The following ALDH1A1 variants were observed in gnomAD, a reference collection of about 807,000 sequenced individuals.
ALDH1A1 encodes the protein aldehyde dehydrogenase 1A1.
In ALDH1A1, 19 loss-of-function variants were observed where a neutral mutation model predicts 62.1. The observed-to-expected ratio is 0.31, with a 90% CI of 0.21 to 0.45. ALDH1A1 has a LOEUF of 0.45. Ranked by LOEUF, ALDH1A1 falls within the 20% of genes least tolerant of loss-of-function variation. The pLI is 1.00. For missense variants in ALDH1A1, 521 were observed against 607.1 expected (o/e 0.86, Z 1.49); for synonymous variants, 231 against 215.9 (o/e 1.07, Z -0.61).
intron 1 of ALDH1A1, among the ~76,000 whole-genome samples, chr9:72,941,687 G>C (rs1422027701): frequency 6.6e-6 from 1 of 152,128 alleles, no homozygotes; most frequent in Non-Finnish European, 1.5e-5. Flanking sequence ...TCATGGATAA[G>C]ATCTATAACG....
At chr9:72,908,563 GAAAGAAAGAAAGAAAGAAAGA>G (rs1829923732) in intron 11 of ALDH1A1, among the ~76,000 whole-genome samples, 1 of 18,938 alleles carries the variant, frequency 5.3e-5, no homozygotes, top group African/African-American at 1.4e-4. Flanking sequence ...AAGAAAGAAA[GAAAGAAAGAAAGAAAGAAAGA>G]AAGAAAGAAA....
At chr9:72,920,628 T>C (rs1028846395) in intron 7 of ALDH1A1, among the ~76,000 whole-genome samples, 12 of 152,204 alleles carry the variant, frequency 7.9e-5, no homozygotes, top group African/African-American at 2.9e-4. Context: ...GAAGTATGAA[T>C]GAGAAAGAAA....
chr9:72,922,520 C>A (rs1455945910), intron 7 of ALDH1A1, among the ~76,000 whole-genome samples: 1 of 152,084 alleles, frequency 6.6e-6, no homozygotes, highest in African/African-American at 2.4e-5. Context: ...GTTGTTCAAT[C>A]TTTTGGCTTC....
rs145994622 is a variant in ALDH1A1, at chr9:72,906,122, T to G, written c.1359-90A>C. The G allele has an allele frequency of 5.7e-6, 5 of 873,138 alleles. No homozygotes were observed. In the East Asian group the frequency reaches 1.3e-4, roughly 23 times the overall value. 54.1% of individuals were successfully genotyped at this position (873,138 alleles called of 1,614,324 possible). A position where few individuals can be genotyped will look rare whatever the true frequency, so the allele number is the denominator to read the frequency against. On this transcript the variant is annotated intron_variant, in intron 11 of 12. Coordinates refer to ENST00000297785, the MANE Select transcript of ALDH1A1 (RefSeq NM_000689.5). ...AGTTTTAGAAATTTGGAAAGCTCCT[T>G]ACAAACTCCATTAATTTCATTATAA...
chr9:72,923,404 A>G (rs1242399543), intron 7 of ALDH1A1, among the ~76,000 whole-genome samples: 1 of 152,218 alleles, frequency 6.6e-6, no homozygotes, highest in Non-Finnish European at 1.5e-5. Flanking sequence ...TCTTTTGCTT[A>G]GGATAGAACA....
intron 12 of ALDH1A1, among the ~76,000 whole-genome samples, chr9:72,905,540 C>A (rs1052691022): frequency 6.6e-6 from 1 of 152,044 alleles, no homozygotes; most frequent in Non-Finnish European, 1.5e-5. Context: ...TTACATAAGT[C>A]ACCTAATTTA....
intron 1 of ALDH1A1, among the ~76,000 whole-genome samples, chr9:72,952,096 A>C (rs2118590645): frequency 6.6e-6 from 1 of 152,090 alleles, no homozygotes; most frequent in South Asian, 2.1e-4. Flanking sequence ...GCAAGAGTTA[A>C]TTTCTTACCA....
Position 72,911,105 on chromosome 9 carries a change from T to C in ALDH1A1, c.1200+853A>G, listed in dbSNP as rs560201764. Among the ~76,000 whole-genome samples, 23 of 152,210 alleles carry C rather than the reference T, an allele frequency of 1.5e-4. No individual in the cohort carries two copies. In the South Asian group the frequency reaches 4.1e-3, roughly 27 times the overall value. On this transcript the variant is annotated intron_variant, in intron 10 of 12. Transcript: ENST00000297785. ...TTGTATATTGTAGTTAAATACTTGGTGAGCATATATATAATGTATATACAC... is the reference window on the plus strand; with the variant it reads ...TTGTATATTGTAGTTAAATACTTGGCGAGCATATATATAATGTATATACAC...
intron 9 of ALDH1A1, among the ~76,000 whole-genome samples, 181 bp from the exon 10 acceptor site, chr9:72,912,303 T>C (rs1166509693): frequency 1.3e-5 from 2 of 152,204 alleles, no homozygotes; most frequent in African/African-American, 4.8e-5. Flanking sequence ...TCATGACTTT[T>C]AGGGGAAAAT....
intron 11 of ALDH1A1, 116 bp downstream of exon 11, chr9:72,909,486 C>G: frequency 9.3e-7 from 1 of 1,075,986 alleles, no homozygotes; most frequent in Non-Finnish European, 1.3e-6. Context: ...GCAGCAACTG[C>G]TTTTCTAGAA....
intron 7 of ALDH1A1, 68 bp downstream of exon 7, chr9:72,923,951 A>G (rs1830173030): frequency 1.6e-5 from 17 of 1,073,742 alleles, no homozygotes; most frequent in Non-Finnish European, 2.3e-5. Context: ...AAAAATAGTT[A>G]CATAAAACAT....
rs1829792306 is a variant in ALDH1A1 at position 72,900,721 on chromosome 9, T to C, written c.*487A>G. 1 of 152,590 alleles carries C rather than the reference T, an allele frequency of 6.6e-6. No individual in the cohort carries two copies. The highest frequency in any genetic ancestry group is 2.4e-5 in the African/African-American group (1 of 41,554). 9.5% of individuals were successfully genotyped at this position (152,590 alleles called of 1,614,324 possible). A position where few individuals can be genotyped will look rare whatever the true frequency, so the allele number is the denominator to read the frequency against. ...TTTATATTCAGTTTACAGCTAAATA[T>C]TACAGGGATTATTTCTTTTGACAAG... On this transcript the variant is annotated 3_prime_UTR_variant, in exon 13 of 13. Transcript: ENST00000297785.
In ALDH1A1 at chr9:72,925,587, A is replaced by G. The variant is rs372664748; in HGVS notation, c.530T>C (p.Ile177Thr). ...IPWNFPLVML[I>T]WKIGPALSCG... ...GCTCAGTGCAGGCCCTATCTTCCAA[A>G]TGAGCATAACCAACGGGAAATTCCA... The change falls in exon 6 of 13, where the codon ATT becomes ACT. Residue 177 changes from isoleucine (I) to threonine (T), a missense_variant. Physicochemically the swap from Ile to Thr is moderately conservative, Grantham distance 89. Coordinates refer to ENST00000297785, the MANE Select transcript of ALDH1A1 (RefSeq NM_000689.5). The G allele has an allele frequency of 2.5e-5, 40 of 1,613,396 alleles. No individual in the cohort carries two copies. Among genetic ancestry groups the G allele is most frequent in the Middle Eastern group, 3.3e-4 (2 of 6,082 alleles).
intron 12 of ALDH1A1, among the ~76,000 whole-genome samples, chr9:72,902,616 C>T (rs998299989): frequency 8.5e-5 from 13 of 152,078 alleles, no homozygotes; most frequent in Middle Eastern, 3.4e-3. Flanking sequence ...ATGACTTTCG[C>T]CAATAGGCTT....
intron 10 of ALDH1A1, among the ~76,000 whole-genome samples, chr9:72,911,443 G>T (rs912394528): frequency 6.6e-6 from 1 of 151,960 alleles, no homozygotes; most frequent in Non-Finnish European, 1.5e-5. Context: ...GGATATTTAC[G>T]ATAGCTCTCT....
At chr9:72,906,709 A>G (rs1829882431) in intron 11 of ALDH1A1, among the ~76,000 whole-genome samples, 1 of 152,224 alleles carries the variant, frequency 6.6e-6, no homozygotes, top group Non-Finnish European at 1.5e-5. Flanking sequence ...TGCAGACCAT[A>G]AACAATTTGT....
chr9:72,930,151 G>A (rs113838094), intron 3 of ALDH1A1, among the ~76,000 whole-genome samples: 4 of 152,178 alleles, frequency 2.6e-5, no homozygotes, highest in African/African-American at 7.2e-5. Flanking sequence ...ATTTGTTTAT[G>A]TTAAATTGGC....
intron 1 of ALDH1A1, among the ~76,000 whole-genome samples, chr9:72,952,447 C>T (rs757235786): frequency 1.3e-5 from 2 of 151,952 alleles, no homozygotes; most frequent in African/African-American, 2.4e-5. Flanking sequence ...TGAAGATTTT[C>T]GAATCCAATT....
At chr9:72,909,297 A>T (rs1238334452) in intron 11 of ALDH1A1, among the ~76,000 whole-genome samples, 1 of 150,686 alleles carries the variant, frequency 6.6e-6, no homozygotes, top group East Asian at 2.0e-4. Context: ...TGTAGCTGGG[A>T]TTACAGGCAT....
Sources: gnomAD v4.1 joint callset for allele counts (sites outside exome capture counted in the v4.1 genomes callset) on GRCh38, gnomAD v4.1.1 for gene constraint, MANE v1.5 for transcripts, NCBI Gene and HGNC (gene_info 2026-07-23, HGNC 2026-07-21) for gene names.